Variants in LRRTM4 observed in about 807,000 individuals in gnomAD.
LRRTM4 encodes the protein leucine-rich repeat transmembrane neuronal protein 4.
Under a neutral mutation model 47.6 loss-of-function variants are expected in LRRTM4, and 25 were observed. The observed-to-expected ratio is 0.53, with a 90% CI of 0.38 to 0.73. The LOEUF (loss-of-function observed/expected upper bound fraction) is 0.73, where lower values mean the gene tolerates loss of function less well. Among genes scored for constraint, LRRTM4 ranks in the 30% least tolerant of loss-of-function variants. The probability of loss-of-function intolerance (pLI) is 0.00; values close to 1 mark genes in which losing one functional copy is unlikely to be tolerated. For missense variants in LRRTM4, 638 were observed against 713.4 expected (o/e 0.89, Z 1.20); for synonymous variants, 311 against 269.5 (o/e 1.15, Z -1.51).
chr2:76,820,731 G>C (rs1318439082), intron 3 of LRRTM4, among the ~76,000 whole-genome samples: 1 of 151,588 alleles, frequency 6.6e-6, no homozygotes, highest in Non-Finnish European at 1.5e-5. Flanking sequence ...AAATAATAGA[G>C]AAGTATGCTT....
chr2:77,478,211 C>A (rs1275180492), intron 3 of LRRTM4, among the ~76,000 whole-genome samples: 1 of 152,160 alleles, frequency 6.6e-6, no homozygotes, highest in Non-Finnish European at 1.5e-5. Flanking sequence ...TGTTTGGAGA[C>A]AATGGGGACA....
chr2:76,925,123 C>A (rs1350484438), intron 3 of LRRTM4, among the ~76,000 whole-genome samples: 1 of 152,120 alleles, frequency 6.6e-6, no homozygotes, highest in Non-Finnish European at 1.5e-5. Context: ...AGTTCCTTTA[C>A]CAGCTGGCTT....
intron 3 of LRRTM4, among the ~76,000 whole-genome samples, chr2:77,243,701 G>A (rs910833746): frequency 1.3e-4 from 20 of 151,504 alleles, no homozygotes; most frequent in South Asian, 1.0e-3. Context: ...TTTCTTATGC[G>A]TATTTTTCCA....
At chr2:76,899,709 G>T (rs1028001426) in intron 3 of LRRTM4, among the ~76,000 whole-genome samples, 1 of 152,054 alleles carries the variant, frequency 6.6e-6, no homozygotes, top group South Asian at 2.1e-4. Flanking sequence ...ACTTTATTAC[G>T]TATGCATTTA....
At chr2:77,444,369 A>T (rs1882683) in intron 3 of LRRTM4, among the ~76,000 whole-genome samples, 1 of 152,012 alleles carries the variant, frequency 6.6e-6, no homozygotes, top group Non-Finnish European at 1.5e-5. Context: ...CACTTTCTGA[A>T]GTTCAGCCTT....
intron 3 of LRRTM4, among the ~76,000 whole-genome samples, chr2:76,983,680 ACTC>A (rs1360123356): frequency 7.9e-5 from 12 of 151,972 alleles, no homozygotes; most frequent in Non-Finnish European, 1.5e-4. Flanking sequence ...TTTTAATTTG[ACTC>A]CTTTTTTCAA....
chr2:77,127,356 T>A (rs1312816217), intron 3 of LRRTM4, among the ~76,000 whole-genome samples: 3 of 152,216 alleles, frequency 2.0e-5, no homozygotes, highest in Non-Finnish European at 4.4e-5. Context: ...TAAATTAATT[T>A]AAAATACTCA....
intron 3 of LRRTM4, among the ~76,000 whole-genome samples, chr2:77,478,174 A>T: frequency 6.6e-6 from 1 of 152,274 alleles, no homozygotes; most frequent in African/African-American, 2.4e-5. Flanking sequence ...TTTCTATTAA[A>T]TCCCACAGAT....
chr2:77,031,261 TTTC>T (rs1267236432), intron 3 of LRRTM4, among the ~76,000 whole-genome samples: 2 of 152,232 alleles, frequency 1.3e-5, no homozygotes, highest in African/African-American at 2.4e-5. Context: ...TGCATTAATT[TTTC>T]TTTTTTCATT....
At position 76,748,725 on chromosome 2, in the gene LRRTM4, CG is replaced by C. The variant is rs1558630384; in HGVS notation, c.1742del (p.Pro581ArgfsTer5). 1 of 1,613,780 alleles carries C rather than the reference CG, an allele frequency of 6.2e-7. No individual in the cohort carries two copies. Among genetic ancestry groups the C allele is most frequent in the South Asian group, 1.1e-5 (1 of 91,072 alleles). On this transcript the variant is annotated frameshift_variant, in exon 4 of 4. Coordinates refer to ENST00000409884, the MANE Select transcript of LRRTM4 (RefSeq NM_001134745.3). LOFTEE classifies it high-confidence loss of function. ...FIATIARSAA[P>X]AIYLERIAN The stretch of plus-strand genomic sequence containing the variant: ...TTGCAATTCTCTCTAGGTAGATGGC[CG>C]GTGCTGCCGACCTGGCGATGGTGGC...
At chr2:77,433,664 A>G (rs917655555) in intron 3 of LRRTM4, among the ~76,000 whole-genome samples, 3 of 152,142 alleles carry the variant, frequency 2.0e-5, no homozygotes, top group Admixed American at 6.6e-5. Context: ...TTTACCACCA[A>G]TTAAGGGAAG....
chr2:77,341,787 C>T (rs941511168), intron 3 of LRRTM4, among the ~76,000 whole-genome samples: 15 of 151,808 alleles, frequency 9.9e-5, no homozygotes, highest in African/African-American at 2.7e-4. Context: ...ATGGGAGTTT[C>T]TCAATTTGGG....
chr2:77,070,529 C>T (rs755251661), intron 3 of LRRTM4, among the ~76,000 whole-genome samples: 6 of 151,960 alleles, frequency 3.9e-5, no homozygotes, highest in Non-Finnish European at 8.8e-5. Context: ...TGACAAATGG[C>T]TTTTATTTAC....
intron 3 of LRRTM4, among the ~76,000 whole-genome samples, chr2:76,900,811 A>C (rs972285556): frequency 1.3e-5 from 2 of 152,208 alleles, no homozygotes; most frequent in Non-Finnish European, 2.9e-5. Flanking sequence ...GAAAATGTTC[A>C]CAATATGCTA....
At chr2:77,479,484 C>A (rs12621012) in intron 3 of LRRTM4, among the ~76,000 whole-genome samples, 41,107 of 152,064 alleles carry the variant, frequency 0.27, 5,669 homozygotes, top group African/African-American at 0.29. Context: ...GTTTACCGGA[C>A]AGTGTGCACC....
chr2:76,912,831 GC>G (rs1674117364), intron 3 of LRRTM4, among the ~76,000 whole-genome samples: 1 of 152,138 alleles, frequency 6.6e-6, no homozygotes, highest in Non-Finnish European at 1.5e-5. Context: ...TCCTGTGCTG[GC>G]CATGTGAGGT....
At chr2:77,133,344 T>C (rs1018016892) in intron 3 of LRRTM4, among the ~76,000 whole-genome samples, 1 of 152,216 alleles carries the variant, frequency 6.6e-6, no homozygotes, top group African/African-American at 2.4e-5. Context: ...TCACTCTTTT[T>C]TTTCCTGGAA....
chr2:77,319,609 A>G (rs1677728441), intron 3 of LRRTM4, among the ~76,000 whole-genome samples: 1 of 152,176 alleles, frequency 6.6e-6, no homozygotes, highest in Non-Finnish European at 1.5e-5. Context: ...CTTGTAAAAT[A>G]AGGCAATATG....
intron 3 of LRRTM4, among the ~76,000 whole-genome samples, chr2:77,202,887 T>C (rs1674015377): frequency 6.6e-6 from 1 of 152,058 alleles, no homozygotes; most frequent in African/African-American, 2.4e-5. Context: ...AAGTAGAATG[T>C]ATGGGAACAG....
Sources: gnomAD v4.1 joint callset for allele counts (sites outside exome capture counted in the v4.1 genomes callset) on GRCh38, gnomAD v4.1.1 for gene constraint, MANE v1.5 for transcripts, NCBI Gene and HGNC (gene_info 2026-07-23, HGNC 2026-07-21) for gene names.